The following NAB1 variants were observed in gnomAD, a reference collection of about 807,000 sequenced individuals.
The protein encoded by NAB1 is NGFI-A binding protein 1, also known as NGFI-A-binding protein 1.
NAB1 carries 25 observed loss-of-function variants against 49.9 expected under a neutral mutation model. That is an observed-to-expected ratio of 0.50 (90% CI 0.37 to 0.70). The LOEUF (loss-of-function observed/expected upper bound fraction) is 0.70, where lower values mean the gene tolerates loss of function less well. NAB1 is among the 30% of genes least tolerant of loss of function. NAB1 has a pLI of 0.00. For missense variants in NAB1, 489 were observed against 575.9 expected (o/e 0.85, Z 1.54); for synonymous variants, 198 against 215.6 (o/e 0.92, Z 0.71).
rs778934956 is a variant in NAB1, at chr2:190,683,838, C to T, written c.1095+11C>T. On this transcript the variant is annotated intron_variant, in intron 7 of 9. Coordinates refer to ENST00000337386, the MANE Select transcript of NAB1 (RefSeq NM_005966.4). The stretch of plus-strand genomic sequence containing the variant: ...GCTCTTAGTTCACAGGTAACATAAA[C>T]TCCCAGTTATTACTCCATGATAGTA... 1.9e-6 allele frequency: 3 copies of T among 1,597,538 alleles called. No homozygotes were observed. The highest frequency in any genetic ancestry group is 2.6e-6 in the Non-Finnish European group (3 of 1,166,180).
chr2:190,655,974 T>C lies in NAB1; in HGVS notation c.-196-3T>C, dbSNP rs947837686. 1 of 152,258 alleles carries C rather than the reference T, an allele frequency of 6.6e-6. No individual in the cohort carries two copies. The highest frequency in any genetic ancestry group is 1.5e-5 in the Non-Finnish European group (1 of 68,048). The allele number at this position is 152,258 out of a possible 1,614,324, so 9.4% of individuals were successfully genotyped here. On this transcript the variant is annotated splice_region_variant and splice_polypyrimidine_tract_variant and intron_variant, in intron 2 of 9. Transcript: ENST00000337386. ...CCTAACATCATTGGGATTCTTTTTATAGGACTGAGCAGGGGGAGGAACATT... is the reference window on the plus strand; with the variant it reads ...CCTAACATCATTGGGATTCTTTTTACAGGACTGAGCAGGGGGAGGAACATT...
chr2:190,683,601 A>T (rs1342303080), intron 6 of NAB1, 137 bp from the exon 7 acceptor site: 2 of 598,678 alleles, frequency 3.3e-6, no homozygotes, highest in African/African-American at 3.8e-5. Context: ...GCTGAAATGA[A>T]ATATTTTATA....
Position 190,669,922 on chromosome 2 carries a change from A to C in NAB1, c.820-404A>C, listed in dbSNP as rs565440422. ...TTAAGAATTTTCATGTCAGTTCATA[A>C]AAAATCTGTCAGACCATCTACATTC... On this transcript the variant is annotated intron_variant, in intron 4 of 9. Transcript: ENST00000337386. The surrounding 1 kb of genome is among the most constrained non-coding windows in gnomAD (Gnocchi z 4.3). Among the ~76,000 whole-genome samples the C allele has an allele frequency of 1.3e-5, 2 of 152,340 alleles. No individual in the cohort carries two copies. Among genetic ancestry groups the C allele is most frequent in the East Asian group, 3.9e-4 (2 of 5,192 alleles).
intron 4 of NAB1, among the ~76,000 whole-genome samples, chr2:190,665,110 T>A (rs192226476): frequency 2.6e-4 from 40 of 152,274 alleles, no homozygotes; most frequent in African/African-American, 8.4e-4. Flanking sequence ...ACTATTTATT[T>A]GGGGTATTAA....
intron 6 of NAB1, among the ~76,000 whole-genome samples, chr2:190,673,893 A>G (rs1381867433): frequency 6.6e-6 from 1 of 152,194 alleles, no homozygotes. Flanking sequence ...TAAAAAGTCT[A>G]GTTTGCAGCA....
intron 6 of NAB1, among the ~76,000 whole-genome samples, chr2:190,681,348 C>T (rs1036032243): frequency 1.3e-5 from 2 of 152,144 alleles, no homozygotes; most frequent in Non-Finnish European, 2.9e-5. Context: ...ACTAGCTTAC[C>T]TCACTGAACT....
rs1401274106 is a variant in NAB1 at position 190,669,564 on chromosome 2, G to C, written c.820-762G>C. Reference sequence around the variant, plus strand: ...TTGCTAATCATCATGCCTTGGCTAAGTACATCTTTTGCATATTAAAAAAGT... The same window carrying C: ...TTGCTAATCATCATGCCTTGGCTAACTACATCTTTTGCATATTAAAAAAGT... On this transcript the variant is annotated intron_variant, in intron 4 of 9. Coordinates refer to ENST00000337386, the MANE Select transcript of NAB1 (RefSeq NM_005966.4). This position sits in a 1 kb window ranked among gnomAD's most constrained non-coding sequence, Gnocchi z 4.3. Among the ~76,000 whole-genome samples, 1 of 152,150 alleles carries C rather than the reference G, an allele frequency of 6.6e-6. No homozygotes were observed.
rs1424938970 is a variant in NAB1, at chr2:190,682,962, G to A, written c.1006-776G>A. On this transcript the variant is annotated intron_variant, in intron 6 of 9. Transcript: ENST00000337386. This position sits in a 1 kb window ranked among gnomAD's most constrained non-coding sequence, Gnocchi z 4.1. ...TTTGTAGTAGATAATCTAAGCTATCGAAAATGCTATCTCCATGAAAATATT... is the reference window on the plus strand; with the variant it reads ...TTTGTAGTAGATAATCTAAGCTATCAAAAATGCTATCTCCATGAAAATATT... 1.3e-5 allele frequency among the ~76,000 whole-genome samples: 2 copies of A among 152,116 alleles called. No homozygotes were observed. The highest frequency in any genetic ancestry group is 2.9e-5 in the Non-Finnish European group (2 of 68,010).
In NAB1 at chr2:190,676,567, A is replaced by C. The variant is rs1695082663; in HGVS notation, c.1005+3415A>C. On this transcript the variant is annotated intron_variant, in intron 6 of 9. Coordinates refer to ENST00000337386, the MANE Select transcript of NAB1 (RefSeq NM_005966.4). This position sits in a 1 kb window ranked among gnomAD's most constrained non-coding sequence, Gnocchi z 4.6. The stretch of plus-strand genomic sequence containing the variant: ...AACATGGCAAAACCCCATCCTTACA[A>C]AAATTAGCCAGGCATGATGGCATGT... 6.6e-6 allele frequency among the ~76,000 whole-genome samples: 1 copy of C among 152,174 alleles called. No individual in the cohort carries two copies. The highest frequency in any genetic ancestry group is 2.1e-4 in the South Asian group (1 of 4,824).
rs1694013396 is a variant in NAB1 at position 190,657,939 on chromosome 2, G to T, written c.-19-1219G>T. Among the ~76,000 whole-genome samples the T allele has an allele frequency of 6.6e-6, 1 of 152,114 alleles. No individual in the cohort carries two copies. The highest frequency in any genetic ancestry group is 1.5e-5 in the Non-Finnish European group (1 of 68,020). ...TTATTTTCTCCATAGAGGGCTACAGGGTACTTTTAATCCTAAGGGTGCATT... is the reference window on the plus strand; with the variant it reads ...TTATTTTCTCCATAGAGGGCTACAGTGTACTTTTAATCCTAAGGGTGCATT... On this transcript the variant is annotated intron_variant, in intron 3 of 9. Coordinates refer to ENST00000337386, the MANE Select transcript of NAB1 (RefSeq NM_005966.4). The surrounding 1 kb of genome is among the most constrained non-coding windows in gnomAD (Gnocchi z 4.4).
rs1693572838 is a variant in NAB1, at chr2:190,649,952, C to G, written c.-227C>G. ...AAGGCCGATGAGGAATTTGGAAACA[C>G]ATGTGGGACATACAAGCGTTGGATA... On this transcript the variant is annotated 5_prime_UTR_variant, in exon 2 of 10. Transcript: ENST00000337386. This position sits in a 1 kb window ranked among gnomAD's most constrained non-coding sequence, Gnocchi z 6.1. 1 of 152,228 alleles carries G rather than the reference C, an allele frequency of 6.6e-6. No individual in the cohort carries two copies. Among genetic ancestry groups the G allele is most frequent in the South Asian group, 2.1e-4 (1 of 4,824 alleles). The allele number at this position is 152,228 out of a possible 1,614,324, so 9.4% of individuals were successfully genotyped here.
In NAB1 at chr2:190,654,648, C is replaced by T. The variant is rs1281556100; in HGVS notation, c.-196-1329C>T. Among the ~76,000 whole-genome samples the T allele has an allele frequency of 3.5e-5, 1 of 28,842 alleles. No homozygotes were observed. The highest frequency in any genetic ancestry group is 1.9e-4 in the Non-Finnish European group (1 of 5,166). 18.9% of individuals were successfully genotyped at this position (28,842 alleles called of 152,430 possible). A position where few individuals can be genotyped will look rare whatever the true frequency, so the allele number is the denominator to read the frequency against. On this transcript the variant is annotated intron_variant, in intron 2 of 9. Coordinates refer to ENST00000337386, the MANE Select transcript of NAB1 (RefSeq NM_005966.4). This position sits in a 1 kb window ranked among gnomAD's most constrained non-coding sequence, Gnocchi z 5.6. Reference sequence around the variant, plus strand: ...ATGCCTATATGAGTAGTTTGGATTTCTTTCTCTGCACTGGTGGAGAAGTTC... The same window carrying T: ...ATGCCTATATGAGTAGTTTGGATTTTTTTCTCTGCACTGGTGGAGAAGTTC...
intron 5 of NAB1, among the ~76,000 whole-genome samples, chr2:190,672,558 A>G (rs1426993497): frequency 6.6e-6 from 1 of 152,210 alleles, no homozygotes. Context: ...TTTTAATCTC[A>G]TGTAGCCATA....
intron 6 of NAB1, among the ~76,000 whole-genome samples, chr2:190,681,983 A>T (rs920749761): frequency 1.3e-5 from 2 of 152,208 alleles, no homozygotes; most frequent in African/African-American, 4.8e-5. Context: ...GTTTAATTGT[A>T]AATGCTAATT....
rs1693836296 is a variant in NAB1 at position 190,654,754 on chromosome 2, T to G, written c.-196-1223T>G. Among the ~76,000 whole-genome samples, 1 of 152,074 alleles carries G rather than the reference T, an allele frequency of 6.6e-6. No individual in the cohort carries two copies. Among genetic ancestry groups the G allele is most frequent in the Admixed American group, 6.6e-5 (1 of 15,258 alleles). ...TTTTCAAAATTGGGGCAAGAAGCAA[T>G]GAACACTAGAATTTGGTGCTTTTGA... On this transcript the variant is annotated intron_variant, in intron 2 of 9. Transcript: ENST00000337386. This position sits in a 1 kb window ranked among gnomAD's most constrained non-coding sequence, Gnocchi z 5.6.
At chr2:190,661,920 C>T (rs1416095400) in intron 4 of NAB1, among the ~76,000 whole-genome samples, 2 of 152,194 alleles carry the variant, frequency 1.3e-5, no homozygotes, top group Non-Finnish European at 2.9e-5. Context: ...GAAGAAATTA[C>T]AGAATCCTGG....
Position 190,659,262 on chromosome 2 carries a change from C to A in NAB1, c.86C>A (p.Ala29Asp), listed in dbSNP as rs369230098. ...QKANLLSYFDAFIQQGGDDVQ... is the reference protein window; with the variant it reads ...QKANLLSYFDDFIQQGGDDVQ... ...GCCAATCTACTTTCTTATTTTGATG[C>A]CTTTATCCAACAAGGTGGTGATGAT... Residue 29 changes from alanine to aspartate, a missense_variant, in exon 4 of 10, where the codon GCC becomes GAC. By Grantham distance (126) the Ala-to-Asp change is moderately radical. This residue lies in a region of NAB1 where 35 missense variants were observed against 85.6 expected (regional missense o/e 0.41). Coordinates refer to ENST00000337386, the MANE Select transcript of NAB1 (RefSeq NM_005966.4). The surrounding 1 kb of genome is among the most constrained non-coding windows in gnomAD (Gnocchi z 6.2). 4.2e-5 allele frequency: 67 copies of A among 1,613,586 alleles called. No homozygotes were observed. The highest frequency in any genetic ancestry group is 4.9e-5 in the Non-Finnish European group (58 of 1,179,990).
chr2:190,690,189 A>G, intron 9 of NAB1, 56 bp from the exon 10 acceptor site: 1 of 1,229,970 alleles, frequency 8.1e-7, no homozygotes, highest in South Asian at 1.2e-5. Flanking sequence ...ACTTTGTTTG[A>G]TTTTTGTAGT....
intron 4 of NAB1, among the ~76,000 whole-genome samples, chr2:190,668,922 G>A (rs1290518855): frequency 6.6e-6 from 1 of 152,172 alleles, no homozygotes; most frequent in Non-Finnish European, 1.5e-5. Context: ...ATTAGGCACA[G>A]CAAGAGATTA....
Sources: allele counts gnomAD v4.1 joint callset (sites outside exome capture counted in the v4.1 genomes callset), GRCh38; gene constraint gnomAD v4.1.1; regional missense constraint gnomAD v4.1.1; non-coding constraint Gnocchi (gnomAD v3.1); transcripts MANE v1.5; gene names NCBI Gene and HGNC (gene_info 2026-07-23, HGNC 2026-07-21).